The following RGS7 variants were observed in gnomAD, a reference collection of about 807,000 sequenced individuals.
The protein encoded by RGS7 is regulator of G-protein signaling 7.
Under a neutral mutation model 81.1 loss-of-function variants are expected in RGS7, and 27 were observed. The observed-to-expected ratio is 0.33, with a 90% CI of 0.25 to 0.46. RGS7 has a LOEUF of 0.46. Among genes scored for constraint, RGS7 ranks in the 20% least tolerant of loss-of-function variants. The probability of loss-of-function intolerance (pLI) is 1.00; values close to 1 mark genes in which losing one functional copy is unlikely to be tolerated. For synonymous variants in RGS7, 208 were observed against 207.7 expected, an observed-to-expected ratio of 1.00 and a Z score of -0.01; for missense variants, 396 against 607.4, an observed-to-expected ratio of 0.65 and a Z score of 3.66.
At chr1:241,334,912 A>C (rs2082162514) in intron 2 of RGS7, among the ~76,000 whole-genome samples, 1 of 152,220 alleles carries the variant, frequency 6.6e-6, no homozygotes, top group Non-Finnish European at 1.5e-5. Flanking sequence ...GACATATTAG[A>C]AGTCATTAAC....
chr1:241,027,225 GAA>G (rs146896003), intron 3 of RGS7, among the ~76,000 whole-genome samples: 1 of 144,042 alleles, frequency 6.9e-6, no homozygotes, highest in African/African-American at 2.5e-5. Context: ...AAGAAAAGAA[GAA>G]AAAAAAAAAG....
chr1:241,043,599 TATA>T (rs200644372), intron 3 of RGS7, among the ~76,000 whole-genome samples: 2,577 of 147,284 alleles, frequency 0.017, 50 homozygotes, highest in African/African-American at 0.041. Flanking sequence ...TTTTATATAT[TATA>T]ATATTATATA....
chr1:241,101,927 T>C (rs1335586820), intron 2 of RGS7, among the ~76,000 whole-genome samples: 1 of 152,216 alleles, frequency 6.6e-6, no homozygotes, highest in East Asian at 1.9e-4. Context: ...TTTCTTTGTA[T>C]AGTCTCATCC....
chr1:240,928,340 G>C (rs1333697798), intron 6 of RGS7, among the ~76,000 whole-genome samples: 1 of 152,058 alleles, frequency 6.6e-6, no homozygotes, highest in Non-Finnish European at 1.5e-5. Flanking sequence ...GTATTTGGTG[G>C]ACACTTCGCA....
At chr1:240,933,008 C>T (rs1354915222) in intron 5 of RGS7, among the ~76,000 whole-genome samples, 20 of 149,186 alleles carry the variant, frequency 1.3e-4, no homozygotes, top group East Asian at 6.0e-4. Flanking sequence ...CTCAGCCTCC[C>T]GAGTAGCTGG....
intron 6 of RGS7, among the ~76,000 whole-genome samples, chr1:240,930,121 C>A (rs1041683577): frequency 6.6e-6 from 1 of 151,622 alleles, no homozygotes; most frequent in Non-Finnish European, 1.5e-5. Flanking sequence ...ACTAGGGGCT[C>A]TTTTTCTCCT....
chr1:240,908,732 G>A (rs1389730866), intron 6 of RGS7, among the ~76,000 whole-genome samples: 1 of 152,186 alleles, frequency 6.6e-6, no homozygotes. Flanking sequence ...CTGCTTACCT[G>A]ATTCAATTAA....
chr1:240,920,652 G>A, intron 6 of RGS7: 2 of 1,056,498 alleles, frequency 1.9e-6, no homozygotes, highest in Non-Finnish European at 2.8e-6. Context: ...AGCCAGAGAA[G>A]TGACAGGGAA....
intron 6 of RGS7, among the ~76,000 whole-genome samples, chr1:240,895,386 C>T (rs1668905451): frequency 1.3e-5 from 2 of 151,580 alleles, no homozygotes; most frequent in South Asian, 4.2e-4. Context: ...TGTGCTGCAC[C>T]CATTAACGTG....
At chr1:241,078,666 C>T (rs1188932381) in intron 3 of RGS7, among the ~76,000 whole-genome samples, 1 of 151,896 alleles carries the variant, frequency 6.6e-6, no homozygotes, top group African/African-American at 2.4e-5. Flanking sequence ...AACAGTAACA[C>T]CTGGACCAAG....
intron 2 of RGS7, among the ~76,000 whole-genome samples, chr1:241,113,057 G>A (rs6682238): frequency 2.6e-5 from 4 of 152,048 alleles, no homozygotes; most frequent in East Asian, 3.9e-4. Context: ...AATGGTGGAC[G>A]AATTCATACA....
chr1:240,929,367 A>C (rs1455222453), intron 6 of RGS7, among the ~76,000 whole-genome samples: 1 of 152,200 alleles, frequency 6.6e-6, no homozygotes, highest in Non-Finnish European at 1.5e-5. Context: ...TTCTTTCTCC[A>C]AGGACCTCAG....
intron 3 of RGS7, among the ~76,000 whole-genome samples, chr1:241,096,239 G>A (rs1012159807): frequency 1.3e-5 from 2 of 152,122 alleles, no homozygotes; most frequent in African/African-American, 2.4e-5. Flanking sequence ...CCAGCAGTCC[G>A]TTGCGAGTTG....
At chr1:240,787,239 A>G (rs915078728) in intron 18 of RGS7, among the ~76,000 whole-genome samples, 2 of 152,128 alleles carry the variant, frequency 1.3e-5, no homozygotes, top group African/African-American at 4.8e-5. Flanking sequence ...TTCTTTTGTT[A>G]AAATTGCCTA....
intron 2 of RGS7, among the ~76,000 whole-genome samples, chr1:241,213,721 C>T (rs2074385370): frequency 6.6e-6 from 1 of 152,148 alleles, no homozygotes; most frequent in Non-Finnish European, 1.5e-5. Flanking sequence ...AATACTTTGT[C>T]ATTAATGTAC....
At chr1:241,294,024 A>G (rs1308124060) in intron 2 of RGS7, among the ~76,000 whole-genome samples, 2 of 152,228 alleles carry the variant, frequency 1.3e-5, no homozygotes, top group Non-Finnish European at 2.9e-5. Context: ...ACCATAGCAA[A>G]CACTTGGAAG....
At chr1:240,906,168 G>A (rs1333670075) in intron 6 of RGS7, among the ~76,000 whole-genome samples, 1 of 152,036 alleles carries the variant, frequency 6.6e-6, no homozygotes, top group Admixed American at 6.6e-5. Flanking sequence ...TTCACAACAA[G>A]GCTGTGTTGA....
At chr1:240,911,310 G>T (rs1415490457) in intron 6 of RGS7, among the ~76,000 whole-genome samples, 1 of 152,080 alleles carries the variant, frequency 6.6e-6, no homozygotes, top group Non-Finnish European at 1.5e-5. Context: ...AGCAGTCCAA[G>T]GTTACTGCTG....
intron 18 of RGS7, among the ~76,000 whole-genome samples, chr1:240,793,902 G>A (rs1005923848): frequency 6.6e-6 from 1 of 151,870 alleles, no homozygotes; most frequent in African/African-American, 2.4e-5. Flanking sequence ...GTGAGCCACC[G>A]TGCCCAGCCA....
Sources: gnomAD v4.1 joint callset for allele counts (sites outside exome capture counted in the v4.1 genomes callset) on GRCh38, gnomAD v4.1.1 for gene constraint, MANE v1.5 for transcripts, NCBI Gene and HGNC (gene_info 2026-07-23, HGNC 2026-07-21) for gene names.